Variants in ADAMTS16 observed in about 807,000 individuals in gnomAD.
The protein encoded by ADAMTS16 is ADAM metallopeptidase with thrombospondin type 1 motif 16.
Under a neutral mutation model 145.8 loss-of-function variants are expected in ADAMTS16, and 94 were observed. The ratio of observed to expected loss-of-function variants is 0.64; its 90% CI spans 0.55 to 0.77. The LOEUF is 0.77. Ranked by LOEUF, ADAMTS16 falls within the 30% of genes least tolerant of loss-of-function variation. ADAMTS16 has a pLI of 0.00. For missense variants in ADAMTS16, 1,585 were observed against 1,591.5 expected, an observed-to-expected ratio of 1.00 and a Z score of 0.07; for synonymous variants, 659 against 604.3, an observed-to-expected ratio of 1.09 and a Z score of -1.33.
At chr5:5,141,859 AG>A (rs1017362507) in intron 2 of ADAMTS16, among the ~76,000 whole-genome samples, 1 of 150,424 alleles carries the variant, frequency 6.6e-6, no homozygotes, top group African/African-American at 2.5e-5. Context: ...GAGAACCACC[AG>A]GGGGCGCTAG....
At chr5:5,214,269 T>C (rs1192709199) in intron 10 of ADAMTS16, among the ~76,000 whole-genome samples, 4 of 152,230 alleles carry the variant, frequency 2.6e-5, no homozygotes, top group African/African-American at 9.6e-5. Context: ...TACTTCATAG[T>C]GGACGGTGGG....
rs1042013162 is a variant in ADAMTS16, at chr5:5,272,660, C to T, written c.2789+9877C>T. Among the ~76,000 whole-genome samples, 11 of 152,290 alleles carry T rather than the reference C, an allele frequency of 7.2e-5. No individual in the cohort carries two copies. In the South Asian group the frequency reaches 1.2e-3, roughly 17 times the overall value. On this transcript the variant is annotated intron_variant, in intron 18 of 22. Coordinates refer to ENST00000274181, the MANE Select transcript of ADAMTS16 (RefSeq NM_139056.4). ...GATTACAGGCGTGAGCCACTGCCCC[C>T]GGCCCCAAAGGATTTTTAACAAGGG...
At chr5:5,264,558 C>T (rs768542137) in intron 18 of ADAMTS16, among the ~76,000 whole-genome samples, 31 of 152,142 alleles carry the variant, frequency 2.0e-4, no homozygotes, top group Non-Finnish European at 3.8e-4. Context: ...GTAGGTGTTA[C>T]CCCTGGTCTC....
intron 3 of ADAMTS16, among the ~76,000 whole-genome samples, chr5:5,153,463 A>G (rs1252505986): frequency 6.6e-6 from 1 of 152,130 alleles, no homozygotes; most frequent in Non-Finnish European, 1.5e-5. Flanking sequence ...TATCTTCTCA[A>G]CCTCTATTTT....
chr5:5,313,290 C>T (rs1024318622), intron 21 of ADAMTS16, among the ~76,000 whole-genome samples: 21 of 152,190 alleles, frequency 1.4e-4, no homozygotes, highest in African/African-American at 4.8e-4. Flanking sequence ...ATGGCCCGGG[C>T]CTGGCTGAAC....
intron 21 of ADAMTS16, among the ~76,000 whole-genome samples, chr5:5,312,727 G>A (rs1174935093): frequency 1.3e-5 from 2 of 152,186 alleles, no homozygotes; most frequent in Non-Finnish European, 1.5e-5. Context: ...CAAAGTGCTG[G>A]GATTTCAGGC....
At chr5:5,207,765 T>C (rs1364587161) in intron 9 of ADAMTS16, among the ~76,000 whole-genome samples, 1 of 152,146 alleles carries the variant, frequency 6.6e-6, no homozygotes, top group Non-Finnish European at 1.5e-5. Flanking sequence ...GGTTTTTTTC[T>C]TCATCTGTTG....
At chr5:5,260,652 C>A (rs1737980404) in intron 17 of ADAMTS16, among the ~76,000 whole-genome samples, 2 of 152,210 alleles carry the variant, frequency 1.3e-5, no homozygotes, top group African/African-American at 4.8e-5. Flanking sequence ...CCATGAGCTC[C>A]GACAGTGGCT....
In ADAMTS16 at chr5:5,265,075, AC is replaced by A. The variant is rs565612834; in HGVS notation, c.2789+2295del. Among the ~76,000 whole-genome samples, 283 of 152,274 alleles carry A rather than the reference AC, an allele frequency of 1.9e-3. 2 individuals are homozygous for A. Among genetic ancestry groups the A allele is most frequent in the African/African-American group, 6.5e-3 (272 of 41,556 alleles). On this transcript the variant is annotated intron_variant, in intron 18 of 22. Coordinates refer to ENST00000274181, the MANE Select transcript of ADAMTS16 (RefSeq NM_139056.4). ...GGAATGACACACCAAATGCAGACAC[AC>A]CCTCATCGTTTAGGAAATAAACCCC...
intron 18 of ADAMTS16, among the ~76,000 whole-genome samples, chr5:5,282,915 A>G (rs1246949168): frequency 1.3e-5 from 2 of 151,796 alleles, no homozygotes; most frequent in African/African-American, 2.4e-5. Flanking sequence ...TTTTTTCCTT[A>G]ATAATGTTTA....
rs1038231479 is a variant in ADAMTS16, at chr5:5,319,351, G to C, written c.*213G>C. 4 of 544,082 alleles carry C rather than the reference G, an allele frequency of 7.4e-6. No homozygotes were observed. The highest frequency in any genetic ancestry group is 1.3e-5 in the Non-Finnish European group (4 of 302,674). 33.7% of individuals were successfully genotyped at this position (544,082 alleles called of 1,614,324 possible). A position where few individuals can be genotyped will look rare whatever the true frequency, so the allele number is the denominator to read the frequency against. ...CCCATGCACACAGTGTCTCCTGTCAGGCTGAAATGTGGCACCCTGGCAGAC... is the reference window on the plus strand; with the variant it reads ...CCCATGCACACAGTGTCTCCTGTCACGCTGAAATGTGGCACCCTGGCAGAC... On this transcript the variant is annotated 3_prime_UTR_variant, in exon 23 of 23. Coordinates refer to ENST00000274181, the MANE Select transcript of ADAMTS16 (RefSeq NM_139056.4).
intron 3 of ADAMTS16, among the ~76,000 whole-genome samples, chr5:5,162,166 A>G (rs528774319): frequency 4.4e-4 from 67 of 152,370 alleles, no homozygotes; most frequent in African/African-American, 1.5e-3. Flanking sequence ...TGTACCCATT[A>G]TAAGTCGGGA....
At chr5:5,237,724 C>G (rs771628319) in intron 14 of ADAMTS16, among the ~76,000 whole-genome samples, 4 of 152,016 alleles carry the variant, frequency 2.6e-5, no homozygotes, top group African/African-American at 9.7e-5. Flanking sequence ...CTTCGCAGCT[C>G]GGACAGAGGC....
At chr5:5,252,354 G>C (rs1252040647) in intron 17 of ADAMTS16, among the ~76,000 whole-genome samples, 1 of 152,234 alleles carries the variant, frequency 6.6e-6, no homozygotes, top group South Asian at 2.1e-4. Context: ...TTGCCCTGGG[G>C]GGAAAACTGC....
chr5:5,275,506 G>A (rs1738651775), intron 18 of ADAMTS16, among the ~76,000 whole-genome samples: 1 of 151,998 alleles, frequency 6.6e-6, no homozygotes, highest in South Asian at 2.1e-4. Flanking sequence ...CTCTGCTTCT[G>A]AGAGAAGTCT....
intron 14 of ADAMTS16, among the ~76,000 whole-genome samples, chr5:5,238,103 G>A (rs1008610510): frequency 1.3e-5 from 2 of 152,166 alleles, no homozygotes; most frequent in Admixed American, 6.5e-5. Context: ...TAGGCTGGAT[G>A]ATTCCATTAA....
chr5:5,314,395 T>C (rs1391552472), intron 21 of ADAMTS16, among the ~76,000 whole-genome samples: 3 of 152,154 alleles, frequency 2.0e-5, no homozygotes, highest in Non-Finnish European at 2.9e-5. Context: ...AGGCTCCAGG[T>C]GATTTTTAGG....
At chr5:5,202,115 C>T (rs968479908) in intron 9 of ADAMTS16, among the ~76,000 whole-genome samples, 5 of 152,112 alleles carry the variant, frequency 3.3e-5, no homozygotes, top group African/African-American at 1.2e-4. Flanking sequence ...GCCCCTATGG[C>T]TGCGTCTTCC....
intron 9 of ADAMTS16, among the ~76,000 whole-genome samples, chr5:5,201,272 T>A (rs560926627): frequency 6.6e-6 from 1 of 152,312 alleles, no homozygotes; most frequent in East Asian, 1.9e-4. Context: ...AGAAATGTCC[T>A]CTACCCATGT....
Sources: allele counts gnomAD v4.1 joint callset (sites outside exome capture counted in the v4.1 genomes callset), GRCh38; gene constraint gnomAD v4.1.1; transcripts MANE v1.5; gene names NCBI Gene and HGNC (gene_info 2026-07-23, HGNC 2026-07-21).